MSRA: variants seen among roughly 807,000 people sequenced by gnomAD.
MSRA encodes methionine sulfoxide reductase A, also known as mitochondrial peptide methionine sulfoxide reductase.
MSRA carries 54 observed loss-of-function variants against 31.3 expected under a neutral mutation model. The ratio of observed to expected loss-of-function variants is 1.73; its 90% CI spans 1.39 to 2.17. The LOEUF is 2.17. MSRA is among the 30% of genes most tolerant of loss of function. The pLI is 0.00. For missense variants in MSRA, 507 were observed against 300.9 expected (o/e 1.69, Z -5.07); for synonymous variants, 169 against 116.5 (o/e 1.45, Z -2.90).
chr8:10,209,940 A>G (rs1430478619), intron 2 of MSRA, among the ~76,000 whole-genome samples: 1 of 152,256 alleles, frequency 6.6e-6, no homozygotes, highest in African/African-American at 2.4e-5. Flanking sequence ...TTAGAAGTGC[A>G]GTTTAGCTCT....
chr8:10,233,096 A>C lies in MSRA; in HGVS notation c.212-12008A>C, dbSNP rs191645216. On this transcript the variant is annotated intron_variant, in intron 2 of 5. Coordinates refer to ENST00000317173, the MANE Select transcript of MSRA (RefSeq NM_012331.5). ...ACTGTCATCAGTATCACCTTAGGTTAAATATTTTGTAAGGAACAATTCAGA... is the reference window on the plus strand; with the variant it reads ...ACTGTCATCAGTATCACCTTAGGTTCAATATTTTGTAAGGAACAATTCAGA... 1.3e-3 allele frequency among the ~76,000 whole-genome samples: 196 copies of C among 152,318 alleles called. 3 individuals are homozygous for C. The highest frequency in any genetic ancestry group is 1.7e-3 in the East Asian group (9 of 5,186).
At chr8:10,148,567 A>T (rs182329663) in intron 1 of MSRA, among the ~76,000 whole-genome samples, 1 of 152,040 alleles carries the variant, frequency 6.6e-6, no homozygotes, top group Admixed American at 6.6e-5. Context: ...GAATCTCTTG[A>T]ACCTGGGAGG....
At chr8:10,215,572 G>A (rs1053181483) in intron 2 of MSRA, among the ~76,000 whole-genome samples, 1 of 152,134 alleles carries the variant, frequency 6.6e-6, no homozygotes, top group Non-Finnish European at 1.5e-5. Context: ...GACGAGTCCC[G>A]TAACTCAGGG....
At chr8:10,299,260 T>C (rs1452462798) in intron 3 of MSRA, among the ~76,000 whole-genome samples, 1 of 152,142 alleles carries the variant, frequency 6.6e-6, no homozygotes, top group African/African-American at 2.4e-5. Flanking sequence ...TTAGTGTGGT[T>C]TCAATGTTTT....
At chr8:10,357,524 C>G (rs1804577799) in intron 5 of MSRA, among the ~76,000 whole-genome samples, 1 of 152,140 alleles carries the variant, frequency 6.6e-6, no homozygotes, top group Non-Finnish European at 1.5e-5. Context: ...CTATCTTTGA[C>G]CAGCCGGAGC....
At chr8:10,121,373 T>G (rs1801096125) in intron 1 of MSRA, among the ~76,000 whole-genome samples, 1 of 152,116 alleles carries the variant, frequency 6.6e-6, no homozygotes, top group Non-Finnish European at 1.5e-5. Flanking sequence ...AGATTGTGAT[T>G]TTTGTCATGG....
intron 1 of MSRA, among the ~76,000 whole-genome samples, chr8:10,177,406 G>A (rs1806149305): frequency 6.6e-6 from 1 of 152,160 alleles, no homozygotes. Flanking sequence ...GCATCCTAGA[G>A]TCGATTGCTT....
At chr8:10,195,493 G>A (rs974940634) in intron 1 of MSRA, among the ~76,000 whole-genome samples, 12 of 152,130 alleles carry the variant, frequency 7.9e-5, no homozygotes, top group African/African-American at 2.9e-4. Flanking sequence ...TGCCTACCTT[G>A]GCCTCCCCAA....
chr8:10,063,847 G>A (rs902132935), intron 1 of MSRA, among the ~76,000 whole-genome samples: 10 of 152,206 alleles, frequency 6.6e-5, no homozygotes, highest in African/African-American at 1.7e-4. Flanking sequence ...AATTGTTATA[G>A]CAGTCTGGCG....
At chr8:10,246,011 T>A (rs1797604419) in intron 3 of MSRA, among the ~76,000 whole-genome samples, 1 of 152,126 alleles carries the variant, frequency 6.6e-6, no homozygotes, top group Non-Finnish European at 1.5e-5. Flanking sequence ...ATCAGCAAAC[T>A]ATTGACTTGA....
intron 1 of MSRA, among the ~76,000 whole-genome samples, chr8:10,193,271 G>A (rs1807677808): frequency 6.6e-6 from 1 of 152,174 alleles, no homozygotes; most frequent in Non-Finnish European, 1.5e-5. Flanking sequence ...GCCTGCCTTA[G>A]ACCCCATTCA....
intron 2 of MSRA, among the ~76,000 whole-genome samples, chr8:10,240,167 C>G (rs1812284924): frequency 6.6e-6 from 1 of 152,192 alleles, no homozygotes; most frequent in Admixed American, 6.5e-5. Context: ...GAACACATCA[C>G]TGGCCCTTTC....
intron 3 of MSRA, among the ~76,000 whole-genome samples, chr8:10,252,882 T>C (rs963933330): frequency 6.6e-6 from 1 of 152,190 alleles, no homozygotes; most frequent in African/African-American, 2.4e-5. Context: ...GTTCTAAAAT[T>C]TGAGTGACTC....
chr8:10,391,595 C>T (rs1393014048), intron 5 of MSRA, among the ~76,000 whole-genome samples: 1 of 152,230 alleles, frequency 6.6e-6, no homozygotes, highest in Non-Finnish European at 1.5e-5. Flanking sequence ...AGCCAACAGT[C>T]AGGTGACAAG....
rs566795458 is a variant in MSRA at position 10,178,281 on chromosome 8, T to C, written c.143-29552T>C. 3.3e-5 allele frequency among the ~76,000 whole-genome samples: 5 copies of C among 152,186 alleles called. No individual in the cohort carries two copies. The South Asian group carries it at 1.0e-3, about 32-fold the overall frequency. Reference sequence around the variant, plus strand: ...ACTCTGACAGTAAAAATCAAATGAATCTGAGCTGCTTAACATTAACATTCC... The same window carrying C: ...ACTCTGACAGTAAAAATCAAATGAACCTGAGCTGCTTAACATTAACATTCC... On this transcript the variant is annotated intron_variant, in intron 1 of 5. Transcript: ENST00000317173.
chr8:10,204,011 TAAA>T (rs1808729618), intron 1 of MSRA, among the ~76,000 whole-genome samples: 1 of 152,072 alleles, frequency 6.6e-6, no homozygotes, highest in East Asian at 1.9e-4. Flanking sequence ...ATTTAAAAAG[TAAA>T]AAATGAAAAT....
At chr8:10,297,340 A>G (rs1273503661) in intron 3 of MSRA, among the ~76,000 whole-genome samples, 2 of 152,130 alleles carry the variant, frequency 1.3e-5, no homozygotes, top group African/African-American at 2.4e-5. Context: ...TTCTTTCAAG[A>G]TATTTTTGAA....
chr8:10,093,481 T>G (rs990508665), intron 1 of MSRA, among the ~76,000 whole-genome samples: 2 of 152,198 alleles, frequency 1.3e-5, no homozygotes, highest in Non-Finnish European at 2.9e-5. Flanking sequence ...TTCTTTACTC[T>G]TATTGTCACA....
intron 1 of MSRA, among the ~76,000 whole-genome samples, chr8:10,070,267 G>A (rs1797664512): frequency 1.3e-5 from 2 of 152,126 alleles, no homozygotes; most frequent in African/African-American, 4.8e-5. Flanking sequence ...GCCGGGTTAT[G>A]GTATTGTTAG....
Sources: allele counts gnomAD v4.1 joint callset (sites outside exome capture counted in the v4.1 genomes callset), GRCh38; gene constraint gnomAD v4.1.1; transcripts MANE v1.5; gene names NCBI Gene and HGNC (gene_info 2026-07-23, HGNC 2026-07-21).